CDYL: variants seen among roughly 807,000 people sequenced by gnomAD.
The protein encoded by CDYL is chromodomain Y-like protein.
CDYL carries 8 observed loss-of-function variants against 47.3 expected under a neutral mutation model. That is an observed-to-expected ratio of 0.17 (90% confidence interval 0.10 to 0.31). The LOEUF is 0.31. Among genes scored for constraint, CDYL ranks in the 10% least tolerant of loss-of-function variants. CDYL has a pLI of 1.00. For synonymous variants in CDYL, 266 were observed against 265.0 expected, an observed-to-expected ratio of 1.00 and a Z score of -0.04; for missense variants, 471 against 701.4, an observed-to-expected ratio of 0.67 and a Z score of 3.71.
chr6:4,877,562 C>T (rs1386147531), intron 1 of CDYL, among the ~76,000 whole-genome samples: 1 of 152,188 alleles, frequency 6.6e-6, no homozygotes, highest in Non-Finnish European at 1.5e-5. Context: ...ATCCCAGCTA[C>T]ATTTTTCCAA....
intron 1 of CDYL, among the ~76,000 whole-genome samples, chr6:4,830,849 C>A (rs781749833): frequency 1.4e-5 from 2 of 147,984 alleles, no homozygotes; most frequent in Admixed American, 1.4e-4. Context: ...TGAGAATATG[C>A]GGTGTTTGGT....
At chr6:4,951,753 C>T (rs1350264490) in intron 5 of CDYL, among the ~76,000 whole-genome samples, 2 of 152,040 alleles carry the variant, frequency 1.3e-5, no homozygotes, top group East Asian at 1.9e-4. Context: ...CACCATTGGC[C>T]TCCCAGATAA....
intron 1 of CDYL, among the ~76,000 whole-genome samples, chr6:4,709,014 AT>A (rs1335965807): frequency 6.9e-4 from 105 of 152,082 alleles, no homozygotes; most frequent in African/African-American, 2.4e-3. Flanking sequence ...CTTAAAAAAA[AT>A]AAAATAAAAT....
At chr6:4,926,367 A>G (rs953689822) in intron 2 of CDYL, among the ~76,000 whole-genome samples, 21 of 152,220 alleles carry the variant, frequency 1.4e-4, no homozygotes, top group African/African-American at 5.1e-4. Flanking sequence ...AGAGCTATTA[A>G]TTCTGTAGAT....
At chr6:4,725,410 G>A (rs1302750538) in intron 2 of CDYL, among the ~76,000 whole-genome samples, 4 of 152,334 alleles carry the variant, frequency 2.6e-5, no homozygotes, top group East Asian at 1.9e-4. Flanking sequence ...CTCCGGCGGC[G>A]TAGGAGCCCA....
At chr6:4,842,693 T>C (rs1316517829) in intron 1 of CDYL, among the ~76,000 whole-genome samples, 1 of 152,206 alleles carries the variant, frequency 6.6e-6, no homozygotes, top group African/African-American at 2.4e-5. Flanking sequence ...CAACAGATAC[T>C]AGGTGAATTC....
In CDYL at chr6:4,937,686, G is replaced by A. The variant is rs1247597785; in HGVS notation, c.1070G>A (p.Arg357His). 3.1e-6 allele frequency: 5 copies of A among 1,613,740 alleles called. No individual in the cohort carries two copies. The highest frequency in any genetic ancestry group is 4.2e-6 in the Non-Finnish European group (5 of 1,179,882). ...CTTGACTTTATTTATTTTATACGACGTCTGACAGATGACAGGAAAAGAGAA... is the reference window on the plus strand; with the variant it reads ...CTTGACTTTATTTATTTTATACGACATCTGACAGATGACAGGAAAAGAGAA... The part of the protein sequence containing the change: ...CGLDFIYFIR[R>H]LTDDRKREST... The change falls in exon 4 of 7, where the codon CGT becomes CAT. Residue 357 changes from arginine (R) to histidine (H), a missense_variant. This residue lies in a region of CDYL where 103 missense variants were observed against 277.1 expected (regional missense o/e 0.37). Coordinates refer to ENST00000397588, the MANE Select transcript of CDYL (RefSeq NM_004824.4).
At chr6:4,780,391 C>A (rs1428723456) in intron 1 of CDYL, among the ~76,000 whole-genome samples, 1 of 85,368 alleles carries the variant, frequency 1.2e-5, no homozygotes, top group African/African-American at 5.9e-5. Context: ...GCACCACCCC[C>A]GCCTACGCCC....
Position 4,794,776 on chromosome 6 carries a change from TTTG to T in CDYL, c.24+17985_24+17987del, listed in dbSNP as rs145892466. 4.1e-3 allele frequency among the ~76,000 whole-genome samples: 620 copies of T among 149,640 alleles called. 14 individuals carry two copies. In the East Asian group the frequency reaches 0.064, roughly 15 times the overall value. Reference sequence around the variant, plus strand: ...TGATTGATTCCTAGAAACTAGAGTTTTTGTTGTTGTTGTTGTTGGTCTCGTTGA... The same window carrying T: ...TGATTGATTCCTAGAAACTAGAGTTTTTGTTGTTGTTGTTGGTCTCGTTGA... On this transcript the variant is annotated intron_variant, in intron 1 of 6. Coordinates refer to ENST00000397588, the MANE Select transcript of CDYL (RefSeq NM_004824.4).
At chr6:4,911,637 A>G (rs1354045030) in intron 2 of CDYL, among the ~76,000 whole-genome samples, 2 of 152,188 alleles carry the variant, frequency 1.3e-5, no homozygotes, top group African/African-American at 4.8e-5. Context: ...GTCATAGAGC[A>G]TGGTGTTTCT....
chr6:4,762,416 C>T (rs1034016061), intron 3 of CDYL, among the ~76,000 whole-genome samples: 4 of 151,846 alleles, frequency 2.6e-5, no homozygotes, highest in East Asian at 3.9e-4. Flanking sequence ...AATAATCAGA[C>T]ACACAAGGAG....
chr6:4,894,999 GTGTA>G (rs1561692609), intron 2 of CDYL, among the ~76,000 whole-genome samples: 1 of 151,250 alleles, frequency 6.6e-6, no homozygotes, highest in African/African-American at 2.4e-5. Flanking sequence ...GTATACTTGT[GTGTA>G]TGTTTATACA....
chr6:4,787,231 C>G (rs1021343882), intron 1 of CDYL, among the ~76,000 whole-genome samples: 8 of 106,842 alleles, frequency 7.5e-5, no homozygotes, highest in African/African-American at 3.1e-4. Flanking sequence ...TTTAGGGATG[C>G]AAAGAAGTAG....
chr6:4,897,530 C>T (rs1290349125), intron 2 of CDYL, among the ~76,000 whole-genome samples: 3 of 152,188 alleles, frequency 2.0e-5, no homozygotes, highest in Non-Finnish European at 4.4e-5. Context: ...ATAAGAGGCA[C>T]AGCTGCCCTC....
intron 1 of CDYL, among the ~76,000 whole-genome samples, chr6:4,865,216 G>A (rs1761287379): frequency 6.6e-6 from 1 of 152,106 alleles, no homozygotes; most frequent in Non-Finnish European, 1.5e-5. Context: ...CCTGGTCACT[G>A]GCTCTGACCT....
At chr6:4,876,567 A>G (rs1352435836) in intron 1 of CDYL, among the ~76,000 whole-genome samples, 1 of 152,170 alleles carries the variant, frequency 6.6e-6, no homozygotes, top group Admixed American at 6.5e-5. Flanking sequence ...TCCCTCATGA[A>G]CGGTGTGATA....
At chr6:4,871,418 G>T (rs1488231161) in intron 1 of CDYL, among the ~76,000 whole-genome samples, 3 of 152,192 alleles carry the variant, frequency 2.0e-5, no homozygotes, top group Non-Finnish European at 4.4e-5. Context: ...TGGATTTTCA[G>T]ATTATGATTG....
At chr6:4,893,696 A>G (rs1339607408) in intron 2 of CDYL, among the ~76,000 whole-genome samples, 1 of 146,562 alleles carries the variant, frequency 6.8e-6, no homozygotes, top group South Asian at 2.1e-4. Context: ...CCGTCTCCCA[A>G]AAAAAAAAAA....
chr6:4,826,801 T>C (rs1320396481), intron 1 of CDYL, among the ~76,000 whole-genome samples: 1 of 152,234 alleles, frequency 6.6e-6, no homozygotes, highest in Non-Finnish European at 1.5e-5. Context: ...CTTAAGAAGG[T>C]ATATTCTGCT....
Sources: allele counts gnomAD v4.1 joint callset (sites outside exome capture counted in the v4.1 genomes callset), GRCh38; gene constraint gnomAD v4.1.1; regional missense constraint gnomAD v4.1.1; transcripts MANE v1.5; gene names NCBI Gene and HGNC (gene_info 2026-07-23, HGNC 2026-07-21).